HIVEP1: variants seen among roughly 807,000 people sequenced by gnomAD.
HIVEP1 encodes the protein zinc finger protein 40.
In HIVEP1, 36 loss-of-function variants were observed where a neutral mutation model predicts 180.0. The ratio of observed to expected loss-of-function variants is 0.20; its 90% confidence interval spans 0.15 to 0.26. The LOEUF (loss-of-function observed/expected upper bound fraction) is 0.26. Among genes scored for constraint, HIVEP1 ranks in the 10% least tolerant of loss-of-function variants. HIVEP1 has a pLI of 1.00. For synonymous variants in HIVEP1, 1,239 were observed against 1,239.0 expected, an observed-to-expected ratio of 1.00 and a Z score of 0.00; for missense variants, 3,143 against 3,268.7, an observed-to-expected ratio of 0.96 and a Z score of 0.94.
chr6:12,015,220 A>G (rs1022520868), intron 1 of HIVEP1, among the ~76,000 whole-genome samples: 7 of 152,200 alleles, frequency 4.6e-5, no homozygotes, highest in African/African-American at 1.7e-4. Flanking sequence ...CATGCCTAAC[A>G]TAATCCTTTT....
Position 12,130,769 on chromosome 6 carries a change from A to G in HIVEP1, c.6212A>G (p.Tyr2071Cys). The change falls in exon 6 of 9, where the codon TAT (tyrosine) becomes TGT (cysteine). Residue 2071 changes from tyrosine to cysteine, a missense_variant and splice_region_variant. By Grantham distance (194) the Tyr-to-Cys change is radical. This residue lies in a region of HIVEP1 where 1,357 missense variants were observed against 1,260.5 expected (regional missense o/e 1.08). Coordinates refer to ENST00000379388, the MANE Select transcript of HIVEP1 (RefSeq NM_002114.4). The stretch of plus-strand genomic sequence containing the variant: ...TTCATTTTTTTTCTTTAAATTAGAT[A>G]TAAGTCAAATGAAGAGTATGTATAT... ...PRRIKIFDGG[Y>C]KSNEEYVYVR... The G allele has an allele frequency of 6.4e-7, 1 of 1,566,342 alleles. No individual in the cohort carries two copies.
chr6:12,066,124 C>T lies in HIVEP1; in HGVS notation c.41-23060C>T, dbSNP rs143402011. 5.4e-3 allele frequency among the ~76,000 whole-genome samples: 825 copies of T among 152,250 alleles called. 2 individuals carry two copies. The highest frequency in any genetic ancestry group is 0.015 in the South Asian group (74 of 4,826). ...GGCATCCCTAAAAGGCAGTGTTGTT[C>T]ATTCAAGAGGAGAATTTTCAAGGGG... On this transcript the variant is annotated intron_variant, in intron 2 of 8. Coordinates refer to ENST00000379388, the MANE Select transcript of HIVEP1 (RefSeq NM_002114.4).
At chr6:12,065,285 G>A (rs968406815) in intron 2 of HIVEP1, among the ~76,000 whole-genome samples, 5 of 152,164 alleles carry the variant, frequency 3.3e-5, no homozygotes, top group African/African-American at 1.2e-4. Context: ...TGATCATGGC[G>A]TTTGATATTA....
At chr6:12,182,164 G>T in the HIVEP1 span, among the ~76,000 whole-genome samples, 3 of 152,166 alleles carry the variant, frequency 2.0e-5, no homozygotes, top group African/African-American at 7.2e-5. Context: ...AATCGGAAAA[G>T]AATTGAAGAT....
the HIVEP1 span, among the ~76,000 whole-genome samples, chr6:12,200,237 T>G: frequency 6.6e-6 from 1 of 152,148 alleles, no homozygotes; most frequent in Non-Finnish European, 1.5e-5. Flanking sequence ...TGGGAGTTAC[T>G]TCCCCTTTCC....
intron 4 of HIVEP1, 74 bp from the exon 5 acceptor site, chr6:12,129,685 T>A: frequency 8.1e-7 from 1 of 1,238,878 alleles, no homozygotes; most frequent in Non-Finnish European, 1.2e-6. Context: ...TGCCATGTTT[T>A]AATTTCCAGT....
Position 12,087,440 on chromosome 6 carries a change from A to G in HIVEP1, c.41-1744A>G, listed in dbSNP as rs115579747. Among the ~76,000 whole-genome samples, 661 of 152,176 alleles carry G rather than the reference A, an allele frequency of 4.3e-3. 6 individuals are homozygous for G. The highest frequency in any genetic ancestry group is 0.015 in the African/African-American group (632 of 41,514). On this transcript the variant is annotated intron_variant, in intron 2 of 8. Transcript: ENST00000379388. ...AAGCACAGTTGTTACTACTGTGAAT[A>G]TATAATACATATATATTATTTATGA...
chr6:12,045,063 A>C (rs978656212), intron 2 of HIVEP1, among the ~76,000 whole-genome samples: 3 of 152,268 alleles, frequency 2.0e-5, no homozygotes, highest in Non-Finnish European at 4.4e-5. Flanking sequence ...TGTTTAGAAC[A>C]CTAGACTAAT....
chr6:12,168,240 T>TAGA (rs1562024802), downstream of HIVEP1, among the ~76,000 whole-genome samples: 9 of 89,808 alleles, frequency 1.0e-4, no homozygotes, highest in Middle Eastern at 8.9e-3. Flanking sequence ...TACATATATA[T>TAGA]TATATATACA....
intron 7 of HIVEP1, 111 bp from the exon 8 acceptor site, chr6:12,161,328 C>T (rs1760381384): frequency 9.8e-7 from 1 of 1,020,710 alleles, no homozygotes; most frequent in Non-Finnish European, 1.4e-6. Flanking sequence ...TGGGCAGGGT[C>T]CTTGTCTTTT....
At chr6:12,167,240 A>T (rs998716429), downstream of HIVEP1, among the ~76,000 whole-genome samples, 1 of 152,094 alleles carries the variant, frequency 6.6e-6, no homozygotes, top group Non-Finnish European at 1.5e-5. Context: ...TATGGAAAAT[A>T]ATCATTATTT....
At chr6:12,176,302 G>A in the HIVEP1 span, among the ~76,000 whole-genome samples, 7 of 145,362 alleles carry the variant, frequency 4.8e-5, no homozygotes, top group Non-Finnish European at 1.0e-4. Flanking sequence ...GGCTGATCTC[G>A]GCTCACCAGA....
intron 2 of HIVEP1, chr6:12,039,246 C>T (rs1358367556): frequency 6.6e-6 from 1 of 152,212 alleles, no homozygotes; most frequent in Non-Finnish European, 1.5e-5. Context: ...CATATATCAA[C>T]AGGCATTGTC....
At chr6:12,016,930 G>A (rs1403885901) in intron 2 of HIVEP1, among the ~76,000 whole-genome samples, 1 of 152,122 alleles carries the variant, frequency 6.6e-6, no homozygotes, top group Non-Finnish European at 1.5e-5. Flanking sequence ...ATCTGTCCAG[G>A]GAGGGCACCC....
the HIVEP1 span, among the ~76,000 whole-genome samples, chr6:12,185,540 T>A: frequency 1.3e-5 from 2 of 152,190 alleles, no homozygotes; most frequent in Non-Finnish European, 2.9e-5. Flanking sequence ...TTTCACGTAA[T>A]ACCTCAGGCA....
chr6:12,059,601 A>G (rs1771100299), intron 2 of HIVEP1, among the ~76,000 whole-genome samples: 1 of 152,030 alleles, frequency 6.6e-6, no homozygotes, highest in Non-Finnish European at 1.5e-5. Flanking sequence ...ATTGCCACCT[A>G]CCTGGGGTTC....
chr6:12,044,589 T>C (rs1450165527), intron 2 of HIVEP1, among the ~76,000 whole-genome samples: 1 of 151,442 alleles, frequency 6.6e-6, no homozygotes, highest in Non-Finnish European at 1.5e-5. Context: ...AGTGCACCTG[T>C]GTACAGCTGA....
chr6:12,147,602 T>G (rs570705484), intron 7 of HIVEP1, among the ~76,000 whole-genome samples: 6 of 152,298 alleles, frequency 3.9e-5, no homozygotes, highest in African/African-American at 1.4e-4. Context: ...AAGAAGCATG[T>G]TTCATTAAGT....
the HIVEP1 span, among the ~76,000 whole-genome samples, chr6:12,211,592 C>G: frequency 6.6e-6 from 1 of 151,108 alleles, no homozygotes; most frequent in African/African-American, 2.4e-5. Context: ...ATGTGTGTGT[C>G]TATATATTTA....
Sources: allele counts gnomAD v4.1 joint callset (sites outside exome capture counted in the v4.1 genomes callset), GRCh38; gene constraint gnomAD v4.1.1; regional missense constraint gnomAD v4.1.1; transcripts MANE v1.5; gene names NCBI Gene and HGNC (gene_info 2026-07-23, HGNC 2026-07-21).